SERINC2: variants seen among roughly 807,000 people sequenced by gnomAD.
The protein encoded by SERINC2 is serine incorporator 2.
In SERINC2, 56 loss-of-function variants were observed where a neutral mutation model predicts 54.2. The observed-to-expected ratio is 1.03, with a 90% CI of 0.83 to 1.29. The LOEUF (loss-of-function observed/expected upper bound fraction) is 1.29, where lower values mean the gene tolerates loss of function less well. Among genes scored for constraint, SERINC2 ranks in the 50% most tolerant of loss-of-function variants. SERINC2 has a pLI of 0.00. For synonymous variants in SERINC2, 272 were observed against 253.1 expected, an observed-to-expected ratio of 1.07 and a Z score of -0.71; for missense variants, 614 against 607.4, an observed-to-expected ratio of 1.01 and a Z score of -0.12.
At chr1:31,421,313 G>A (rs1553132728) in intron 1 of SERINC2, among the ~76,000 whole-genome samples, 1 of 151,928 alleles carries the variant, frequency 6.6e-6, no homozygotes, top group African/African-American at 2.4e-5. Flanking sequence ...CCTGAAATTG[G>A]CTCCTGGTAC....
Position 31,426,841 on chromosome 1 carries a change from C to A in SERINC2, c.780+18C>A, listed in dbSNP as rs782016452. ...AGGTCCAGGTGAGCCTGCCTGACCC[C>A]CCCTGGCCTGAAGCCCGGCCCCTTA... On this transcript the variant is annotated intron_variant, in intron 6 of 9. Transcript: ENST00000373709. 9.9e-6 allele frequency: 16 copies of A among 1,608,358 alleles called. No homozygotes were observed. The South Asian group carries it at 1.5e-4, about 15-fold the overall frequency.
intron 1 of SERINC2, among the ~76,000 whole-genome samples, chr1:31,419,470 T>C (rs1165619555): frequency 1.3e-5 from 2 of 152,216 alleles, no homozygotes; most frequent in African/African-American, 4.8e-5. Context: ...ATTTGCCCCA[T>C]TCAGCAGAGA....
chr1:31,426,577 G>T lies in SERINC2; in HGVS notation c.611-77G>T, dbSNP rs534670877. On this transcript the variant is annotated intron_variant, in intron 5 of 9. Coordinates refer to ENST00000373709, the MANE Select transcript of SERINC2 (RefSeq NM_178865.5). Reference sequence around the variant, plus strand: ...TGGAGAGGGGGAGAGCTGCCAACAGGGTCCCTCGAGGGAGTAGGGATCCCT... The same window carrying T: ...TGGAGAGGGGGAGAGCTGCCAACAGTGTCCCTCGAGGGAGTAGGGATCCCT... The T allele has an allele frequency of 4.4e-5, 54 of 1,234,988 alleles. No homozygotes were observed. In the South Asian group the frequency reaches 7.1e-4, roughly 16 times the overall value. The allele number at this position is 1,234,988 out of a possible 1,614,324, so 76.5% of individuals were successfully genotyped here. A position where few individuals can be genotyped will look rare whatever the true frequency, so the allele number is the denominator to read the frequency against.
At chr1:31,424,480 G>A (rs993257651) in intron 2 of SERINC2, among the ~76,000 whole-genome samples, 28 of 152,204 alleles carry the variant, frequency 1.8e-4, no homozygotes, top group African/African-American at 6.3e-4. Flanking sequence ...CCCTCCCAGG[G>A]CTTCAGGCCC....
At chr1:31,417,503 A>G (rs182076357) in intron 1 of SERINC2, among the ~76,000 whole-genome samples, 1 of 152,248 alleles carries the variant, frequency 6.6e-6, no homozygotes. Context: ...CTCTTCTTTG[A>G]AAACTCCCTG....
intron 1 of SERINC2, among the ~76,000 whole-genome samples, chr1:31,416,493 G>C (rs1640784416): frequency 6.6e-6 from 1 of 152,218 alleles, no homozygotes; most frequent in South Asian, 2.1e-4. Flanking sequence ...CATGGGGGAA[G>C]TAAGTGCACC....
chr1:31,429,931 C>G (rs933194646), intron 8 of SERINC2, among the ~76,000 whole-genome samples: 4 of 152,036 alleles, frequency 2.6e-5, no homozygotes, highest in Non-Finnish European at 2.9e-5. Context: ...ATGACAACCT[C>G]CACTGTAGTG....
intron 3 of SERINC2, among the ~76,000 whole-genome samples, 187 bp downstream of exon 3, chr1:31,425,060 A>T (rs981747338): frequency 3.9e-5 from 6 of 152,194 alleles, no homozygotes; most frequent in African/African-American, 1.4e-4. Context: ...GGTGGCAGCA[A>T]GCCTCAGGCC....
chr1:31,431,302 A>ATTT (rs113450135), intron 8 of SERINC2, among the ~76,000 whole-genome samples: 8 of 143,580 alleles, frequency 5.6e-5, no homozygotes, highest in African/African-American at 1.3e-4. Context: ...TTAAAAAAAC[A>ATTT]TTTTTTTTTT....
chr1:31,423,648 T>G (rs782490744), intron 1 of SERINC2, 45 bp from the exon 2 acceptor site: 1 of 1,588,952 alleles, frequency 6.3e-7, no homozygotes, highest in Non-Finnish European at 8.5e-7. Flanking sequence ...GGTGCGCGCT[T>G]GGGCGGTGAA....
intron 6 of SERINC2, among the ~76,000 whole-genome samples, chr1:31,427,578 AC>A (rs1266774720): frequency 6.6e-6 from 1 of 152,166 alleles, no homozygotes. Context: ...CTTCCTGTGT[AC>A]CAGGCCCTCT....
rs782110393 is a variant in SERINC2, at chr1:31,426,696, C to T, written c.653C>T (p.Ala218Val). ...CTCCTCTTCTACTTGCTGTCGATCGCGGCCGTGGCGCTGATGTTCATGTAC... is the reference window on the plus strand; with the variant it reads ...CTCCTCTTCTACTTGCTGTCGATCGTGGCCGTGGCGCTGATGTTCATGTAC... ...FTLLFYLLSI[A>V]AVALMFMYYT... Residue 218 changes from alanine to valine, a missense_variant, in exon 6 of 10, where the codon GCG (alanine) becomes GTG (valine). Physicochemically the swap from Ala to Val is moderately conservative, Grantham distance 64. Transcript: ENST00000373709. The T allele has an allele frequency of 3.0e-5, 49 of 1,613,320 alleles. No individual in the cohort carries two copies. Among genetic ancestry groups the T allele is most frequent in the Middle Eastern group, 1.6e-4 (1 of 6,080 alleles).
Position 31,429,385 on chromosome 1 carries a change from T to C in SERINC2, c.872-12T>C, listed in dbSNP as rs781903888. On this transcript the variant is annotated splice_polypyrimidine_tract_variant and intron_variant, in intron 7 of 9. Transcript: ENST00000373709. The stretch of plus-strand genomic sequence containing the variant: ...CTGCATGGGCTGAGGGTGATTGTGC[T>C]CCCATCTCCAGAACAGAAATGCAAC... 6.2e-7 allele frequency: 1 copy of C among 1,605,106 alleles called. No individual in the cohort carries two copies. The highest frequency in any genetic ancestry group is 8.5e-7 in the Non-Finnish European group (1 of 1,175,202).
rs782553908 is a variant in SERINC2 at position 31,429,502 on chromosome 1, G to T, written c.977G>T (p.Gly326Val). Residue 326 changes from glycine to valine, a missense_variant, in exon 8 of 10, where the codon GGC (glycine) becomes GTC (valine). By Grantham distance (109) the Gly-to-Val change is moderately radical. Coordinates refer to ENST00000373709, the MANE Select transcript of SERINC2 (RefSeq NM_178865.5). The part of the protein sequence containing the change: ...TQWWDAPSIV[G>V]LIIFLLCTLF... Reference sequence around the variant, plus strand: ...TGGTGGGATGCCCCGAGCATTGTGGGCCTCATCATCTTCCTCCTGTGCACC... The same window carrying T: ...TGGTGGGATGCCCCGAGCATTGTGGTCCTCATCATCTTCCTCCTGTGCACC... The T allele has an allele frequency of 6.2e-7, 1 of 1,613,436 alleles. No homozygotes were observed. The highest frequency in any genetic ancestry group is 8.5e-7 in the Non-Finnish European group (1 of 1,179,662).
chr1:31,429,566 G>T, intron 8 of SERINC2, 28 bp downstream of exon 8: 2 of 1,570,486 alleles, frequency 1.3e-6, no homozygotes, highest in Non-Finnish European at 1.7e-6. Flanking sequence ...TTCTGGGGAA[G>T]GATCATGATT....
intron 1 of SERINC2, among the ~76,000 whole-genome samples, chr1:31,423,240 T>C (rs1640944318): frequency 6.6e-6 from 1 of 152,218 alleles, no homozygotes; most frequent in Non-Finnish European, 1.5e-5. Flanking sequence ...CCAAGGGGGC[T>C]ACAATGTGGA....
chr1:31,425,898 C>A lies in SERINC2; in HGVS notation c.595C>A (p.Arg199Ser). The change falls in exon 5 of 10, where the codon CGT (arginine) becomes AGT (serine). Residue 199 changes from arginine (R) to serine (S), a missense_variant. Transcript: ENST00000373709. ...GGGCAAGGCCGAGGAGTGCGATTCC[C>A]GTGCCTGGTACGCAGGTCAGTGCTG... ...WLGKAEECDS[R>S]AWYAGLFFFT... 1 of 1,612,180 alleles carries A rather than the reference C, an allele frequency of 6.2e-7. No homozygotes were observed. Among genetic ancestry groups the A allele is most frequent in the South Asian group, 1.1e-5 (1 of 91,036 alleles).
chr1:31,431,473 C>T (rs1366312864), intron 8 of SERINC2, among the ~76,000 whole-genome samples: 2 of 152,016 alleles, frequency 1.3e-5, no homozygotes, highest in Non-Finnish European at 2.9e-5. Flanking sequence ...GGGAGGAGGC[C>T]ATGAGCACAT....
At chr1:31,433,972 G>C in intron 9 of SERINC2, 92 bp from the exon 10 acceptor site, 1 of 1,342,220 alleles carries the variant, frequency 7.5e-7, no homozygotes, top group Non-Finnish European at 1.0e-6. Context: ...CAGAGTTGAA[G>C]TCAGGGGTCA....
Sources: gnomAD v4.1 joint callset for allele counts (sites outside exome capture counted in the v4.1 genomes callset) on GRCh38, gnomAD v4.1.1 for gene constraint, MANE v1.5 for transcripts, NCBI Gene and HGNC (gene_info 2026-07-23, HGNC 2026-07-21) for gene names.